Variants in PRELID2 observed in about 807,000 individuals in gnomAD.
PRELID2 encodes PRELI domain containing 2.
A neutral mutation model predicts 28.4 loss-of-function variants in PRELID2; 25 were observed. The ratio of observed to expected loss-of-function variants is 0.88; its 90% CI spans 0.64 to 1.23. The LOEUF (loss-of-function observed/expected upper bound fraction) is 1.23. Among genes scored for constraint, PRELID2 ranks in the 50% most tolerant of loss-of-function variants. The pLI is 0.00. For synonymous variants in PRELID2, 76 were observed against 71.6 expected, an observed-to-expected ratio of 1.06 and a Z score of -0.31; for missense variants, 201 against 214.4, an observed-to-expected ratio of 0.94 and a Z score of 0.39.
chr5:145,296,631 G>C, the PRELID2 span, among the ~76,000 whole-genome samples: 1 of 152,126 alleles, frequency 6.6e-6, no homozygotes, highest in African/African-American at 2.4e-5. Context: ...TTGCCATTGT[G>C]AATAGTGCCG....
intron 4 of PRELID2, among the ~76,000 whole-genome samples, chr5:145,802,319 C>T (rs1452423241): frequency 2.6e-5 from 4 of 152,252 alleles, no homozygotes; most frequent in East Asian, 3.9e-4. Flanking sequence ...AGTCAAGTAC[C>T]TGGGCCATAG....
chr5:145,608,268 A>C (rs1238873735), intron 1 of PRELID2, among the ~76,000 whole-genome samples: 1 of 152,122 alleles, frequency 6.6e-6, no homozygotes, highest in Non-Finnish European at 1.5e-5. Context: ...ATTTGTGCAG[A>C]TTTGATCCTG....
chr5:145,305,304 A>C, the PRELID2 span, among the ~76,000 whole-genome samples: 26,273 of 152,152 alleles, frequency 0.17, 3,866 homozygotes, highest in African/African-American at 0.41. Flanking sequence ...GTAGAACCCA[A>C]CAGGGATTCA....
In PRELID2 at chr5:145,824,425, C is replaced by CGTGTGTGTGTGTGTGTGTGT. The variant is rs369429281; in HGVS notation, c.76-1311_76-1292dup. Among the ~76,000 whole-genome samples, 107 of 96,246 alleles carry CGTGTGTGTGTGTGTGTGTGT rather than the reference C, an allele frequency of 1.1e-3. 1 individual carries two copies. The highest frequency in any genetic ancestry group is 1.5e-3 in the Non-Finnish European group (56 of 37,806). 63.1% of individuals were successfully genotyped at this position (96,246 alleles called of 152,430 possible). The stretch of plus-strand genomic sequence containing the variant: ...ACTGTGGGTCTCCACCCACAGCAGG[C>CGTGTGTGTGTGTGTGTGTGT]GTGTGTGTGTGTGTGTGTGTGTGTG... On this transcript the variant is annotated intron_variant, in intron 1 of 6. Coordinates refer to ENST00000683046, the MANE Select transcript of PRELID2 (RefSeq NM_205846.3).
At chr5:145,422,788 C>T in the PRELID2 span, among the ~76,000 whole-genome samples, 1 of 151,156 alleles carries the variant, frequency 6.6e-6, no homozygotes, top group African/African-American at 2.4e-5. Flanking sequence ...ATGATGTTAG[C>T]TGGTTATTTT....
At chr5:145,630,436 T>A (rs1420910594) in intron 1 of PRELID2, among the ~76,000 whole-genome samples, 1 of 152,204 alleles carries the variant, frequency 6.6e-6, no homozygotes, top group East Asian at 1.9e-4. Flanking sequence ...TTTGCTTTAA[T>A]TTGGTACATA....
At chr5:145,324,830 A>G in the PRELID2 span, among the ~76,000 whole-genome samples, 1 of 152,224 alleles carries the variant, frequency 6.6e-6, no homozygotes, top group Non-Finnish European at 1.5e-5. Context: ...TAACTAATAA[A>G]AGAAGGAGCT....
At chr5:145,461,697 T>G in the PRELID2 span, among the ~76,000 whole-genome samples, 1 of 152,228 alleles carries the variant, frequency 6.6e-6, no homozygotes, top group African/African-American at 2.4e-5. Flanking sequence ...TTATTGTTAT[T>G]CTATAAAAGG....
At chr5:145,578,675 A>C (rs1753082871) in intron 1 of PRELID2, among the ~76,000 whole-genome samples, 1 of 152,100 alleles carries the variant, frequency 6.6e-6, no homozygotes, top group African/African-American at 2.4e-5. Flanking sequence ...TGACGTTCTA[A>C]TGCTTCATAC....
At chr5:145,479,156 C>T (rs548384592) in intron 1 of PRELID2, among the ~76,000 whole-genome samples, 2 of 152,172 alleles carry the variant, frequency 1.3e-5, no homozygotes, top group Non-Finnish European at 2.9e-5. Flanking sequence ...CCCTGCCAAA[C>T]CAACGTTCCT....
At chr5:145,564,925 C>T (rs913703868) in intron 1 of PRELID2, among the ~76,000 whole-genome samples, 6 of 152,310 alleles carry the variant, frequency 3.9e-5, no homozygotes, top group Middle Eastern at 3.4e-3. Flanking sequence ...AGGCTTCCTG[C>T]GCTTCCCGGA....
At chr5:145,251,726 C>T in the PRELID2 span, among the ~76,000 whole-genome samples, 351 of 152,184 alleles carry the variant, frequency 2.3e-3, 1 homozygote, top group African/African-American at 8.3e-3. Flanking sequence ...GGACATTGCA[C>T]CTTGTTTGAT....
chr5:145,610,650 G>A (rs1405094957), intron 1 of PRELID2, among the ~76,000 whole-genome samples: 2 of 152,118 alleles, frequency 1.3e-5, no homozygotes, highest in African/African-American at 4.8e-5. Flanking sequence ...GTACCTAGAT[G>A]TAAAGTGCTG....
chr5:145,723,456 C>T (rs972748612), intron 1 of PRELID2, among the ~76,000 whole-genome samples: 5 of 145,000 alleles, frequency 3.4e-5, no homozygotes, highest in Non-Finnish European at 7.5e-5. Flanking sequence ...CAAAACGTAT[C>T]ACAGATAAAA....
At chr5:145,437,995 T>C in the PRELID2 span, among the ~76,000 whole-genome samples, 9 of 152,240 alleles carry the variant, frequency 5.9e-5, no homozygotes, top group East Asian at 1.7e-3. Flanking sequence ...TCATCCTGTT[T>C]CCTGAGAGGT....
At chr5:145,731,749 C>G (rs1008477987) in intron 1 of PRELID2, among the ~76,000 whole-genome samples, 1 of 152,148 alleles carries the variant, frequency 6.6e-6, no homozygotes, top group African/African-American at 2.4e-5. Flanking sequence ...AAAGAAGGCA[C>G]AGGCCATAAA....
the PRELID2 span, among the ~76,000 whole-genome samples, chr5:145,461,857 C>T: frequency 4.7e-3 from 712 of 152,222 alleles, 1 homozygote; most frequent in Middle Eastern, 0.037. Flanking sequence ...ATTTTTAACT[C>T]CTTTATGGTT....
chr5:145,624,508 G>C (rs1006238484), intron 1 of PRELID2, among the ~76,000 whole-genome samples: 12 of 145,416 alleles, frequency 8.3e-5, no homozygotes, highest in African/African-American at 3.4e-4. Context: ...TTGGAAATAT[G>C]TTCCAAGAAC....
intron 4 of PRELID2, among the ~76,000 whole-genome samples, chr5:145,804,354 T>C (rs528107117): frequency 7.2e-5 from 11 of 151,816 alleles, no homozygotes; most frequent in African/African-American, 2.2e-4. Context: ...ACCAAAAATA[T>C]AAAAAATTAG....
Sources: allele counts gnomAD v4.1 joint callset (sites outside exome capture counted in the v4.1 genomes callset), GRCh38; gene constraint gnomAD v4.1.1; transcripts MANE v1.5; gene names NCBI Gene and HGNC (gene_info 2026-07-23, HGNC 2026-07-21).